The following TMSB15B variants were observed in gnomAD, a reference collection of about 807,000 sequenced individuals.
TMSB15B encodes the protein thymosin beta 15B.
intron 1 of TMSB15B, among the ~76,000 whole-genome samples, chrX:103,945,401 C>T (rs1173742233): frequency 8.9e-6 from 1 of 111,749 alleles, no homozygotes; most frequent in Non-Finnish European, 1.9e-5. Context: ...GGAACCAGGT[C>T]CCTGCAAAGA....
chrX:103,932,296 C>T (rs1353258737), intron 1 of TMSB15B: 8 of 111,424 alleles, frequency 7.2e-5, no homozygotes, highest in African/African-American at 2.0e-4. Context: ...TGGGATATGA[C>T]GCTATCTCCA....
At chrX:103,951,906 G>T (rs1469677340) in intron 1 of TMSB15B, among the ~76,000 whole-genome samples, 1 of 111,296 alleles carries the variant, frequency 9.0e-6, no homozygotes, top group Non-Finnish European at 1.9e-5. Flanking sequence ...CAGAAAGAGG[G>T]ATGTTTGAAA....
At chrX:103,928,312 G>C (rs2074974908) in intron 1 of TMSB15B, 1 of 1,203,515 alleles carries the variant, frequency 8.3e-7, no homozygotes, top group Non-Finnish European at 1.1e-6. Context: ...TTGGCACGAA[G>C]GTCCTCAATA....
At chrX:103,939,973 T>A (rs1290471302) in intron 1 of TMSB15B, among the ~76,000 whole-genome samples, 1 of 111,862 alleles carries the variant, frequency 8.9e-6, no homozygotes, top group Non-Finnish European at 1.9e-5. Flanking sequence ...CATCTGGGTA[T>A]CACTAGTGGA....
intron 1 of TMSB15B, among the ~76,000 whole-genome samples, chrX:103,944,618 G>A (rs1193080520): frequency 7.2e-5 from 8 of 111,293 alleles, no homozygotes; most frequent in African/African-American, 2.6e-4. Flanking sequence ...CATGGTATGA[G>A]AAGTTACCTC....
intron 1 of TMSB15B, among the ~76,000 whole-genome samples, chrX:103,956,012 A>T (rs1478622228): frequency 9.4e-6 from 1 of 106,415 alleles, no homozygotes; most frequent in Non-Finnish European, 1.9e-5. Context: ...AAGAAAAGAA[A>T]TTCCAACACA....
chrX:103,940,818 T>C (rs1345855348), intron 1 of TMSB15B, among the ~76,000 whole-genome samples: 2 of 111,801 alleles, frequency 1.8e-5, no homozygotes, highest in Admixed American at 9.4e-5. Flanking sequence ...GATTTGTGCT[T>C]GAAACCCAGG....
intron 1 of TMSB15B, among the ~76,000 whole-genome samples, chrX:103,946,178 A>C (rs1243261966): frequency 9.0e-6 from 1 of 111,645 alleles, no homozygotes; most frequent in Non-Finnish European, 1.9e-5. Context: ...ATGCCCCCCA[A>C]ATCCCACAAG....
At chrX:103,944,502 T>C in intron 1 of TMSB15B, among the ~76,000 whole-genome samples, 1 of 112,194 alleles carries the variant, frequency 8.9e-6, no homozygotes, top group Non-Finnish European at 1.9e-5. Flanking sequence ...ATACGACTGA[T>C]GGATGAATTT....
chrX:103,934,296 T>C (rs531917739), intron 1 of TMSB15B, among the ~76,000 whole-genome samples: 42 of 111,402 alleles, frequency 3.8e-4, no homozygotes, highest in African/African-American at 1.3e-3. Context: ...CATAATGTCC[T>C]CTGAGCACAT....
chrX:103,949,185 A>G (rs1256660203), intron 1 of TMSB15B, among the ~76,000 whole-genome samples: 1 of 109,627 alleles, frequency 9.1e-6, no homozygotes, highest in Non-Finnish European at 1.9e-5. Context: ...AGAGCAGATC[A>G]GAGATCAGAG....
At chrX:103,942,042 A>C (rs1355392418) in intron 1 of TMSB15B, among the ~76,000 whole-genome samples, 5 of 111,825 alleles carry the variant, frequency 4.5e-5, no homozygotes, top group Admixed American at 1.9e-4. Flanking sequence ...TGTTCCATAT[A>C]TCTCTCCCCA....
At chrX:103,922,583 C>A (rs1556318017) in intron 1 of TMSB15B, among the ~76,000 whole-genome samples, 1 of 111,240 alleles carries the variant, frequency 9.0e-6, no homozygotes, top group African/African-American at 3.3e-5. Flanking sequence ...ATATGTGCCA[C>A]ATTTTCTTAA....
intron 1 of TMSB15B, chrX:103,930,947 A>T (rs782125679): frequency 2.0e-3 from 220 of 110,883 alleles, no homozygotes; most frequent in African/African-American, 6.8e-3. Context: ...CCCCCTACAG[A>T]TATCTCAGTA....
Position 103,930,877 on chromosome X carries a change from G to A in TMSB15B, c.-721+11585G>A, listed in dbSNP as rs1281207047. 2.7e-5 allele frequency: 3 copies of A among 110,902 alleles called. No homozygotes were observed. In the Admixed American group the frequency reaches 2.9e-4, roughly 11 times the overall value. 9.1% of individuals were successfully genotyped at this position (110,902 alleles called of 1,213,427 possible). Reference sequence around the variant, plus strand: ...ACAAACAGATTCACAATATATAACAGTCCCATTTGTTTCAACTCTGGGATT... The same window carrying A: ...ACAAACAGATTCACAATATATAACAATCCCATTTGTTTCAACTCTGGGATT... On this transcript the variant is annotated intron_variant, in intron 1 of 3. Coordinates refer to the TMSB15B transcript ENST00000419165.
intron 1 of TMSB15B, among the ~76,000 whole-genome samples, chrX:103,920,591 G>T (rs1202112168): frequency 8.9e-6 from 1 of 112,667 alleles, no homozygotes; most frequent in Non-Finnish European, 1.9e-5. Context: ...TCTGGACTCC[G>T]TACATTCTTC....
intron 1 of TMSB15B, among the ~76,000 whole-genome samples, chrX:103,941,091 T>C (rs1474129625): frequency 8.9e-6 from 1 of 111,858 alleles, no homozygotes; most frequent in Non-Finnish European, 1.9e-5. Flanking sequence ...CAGTTGGAAA[T>C]GCAGAAATCA....
chrX:103,951,270 A>G (rs1261616081), intron 1 of TMSB15B, among the ~76,000 whole-genome samples: 1 of 111,978 alleles, frequency 8.9e-6, no homozygotes, highest in African/African-American at 3.3e-5. Flanking sequence ...TTCAGCCCAC[A>G]ATAATCATAT....
intron 1 of TMSB15B, among the ~76,000 whole-genome samples, chrX:103,955,405 T>C (rs1459472393): frequency 1.8e-5 from 2 of 110,180 alleles, no homozygotes; most frequent in African/African-American, 3.3e-5. Context: ...TAAAATATCA[T>C]AGGAGCTGAC....
Sources: gnomAD v4.1 joint callset for allele counts (sites outside exome capture counted in the v4.1 genomes callset) on GRCh38, gnomAD v4.1.1 for gene constraint, MANE v1.5 for transcripts, NCBI Gene and HGNC (gene_info 2026-07-23, HGNC 2026-07-21) for gene names.